The following JARID2 variants were observed in gnomAD, a reference collection of about 807,000 sequenced individuals.
JARID2 encodes the protein protein Jumonji.
In JARID2, 21 loss-of-function variants were observed where a neutral mutation model predicts 125.6. The ratio of observed to expected loss-of-function variants is 0.17; its 90% CI spans 0.12 to 0.24. The LOEUF (loss-of-function observed/expected upper bound fraction) is 0.24, where lower values mean the gene tolerates loss of function less well. Ranked by LOEUF, JARID2 falls within the 10% of genes least tolerant of loss-of-function variation. JARID2 has a pLI of 1.00. For missense variants in JARID2, 1,303 were observed against 1,639.6 expected (o/e 0.79, Z 3.55); for synonymous variants, 736 against 661.6 (o/e 1.11, Z -1.73).
intron 1 of JARID2, among the ~76,000 whole-genome samples, chr6:15,292,193 T>G (rs1334474692): frequency 1.3e-5 from 2 of 152,032 alleles, no homozygotes; most frequent in African/African-American, 2.4e-5. Context: ...ATTTTTTTTT[T>G]TGTATTTTTA....
intron 4 of JARID2, among the ~76,000 whole-genome samples, chr6:15,464,562 T>G (rs1207410593): frequency 6.6e-6 from 1 of 152,104 alleles, no homozygotes. Flanking sequence ...GGAGACAGTG[T>G]TGTCCTTGTG....
At chr6:15,394,656 T>A (rs1765151264) in intron 2 of JARID2, among the ~76,000 whole-genome samples, 1 of 152,220 alleles carries the variant, frequency 6.6e-6, no homozygotes, top group Non-Finnish European at 1.5e-5. Context: ...CCTGACAGTT[T>A]GGTAAATGTT....
intron 5 of JARID2, 80 bp downstream of exon 5, chr6:15,468,798 G>C (rs1768874225): frequency 7.0e-7 from 1 of 1,419,070 alleles, no homozygotes; most frequent in African/African-American, 1.4e-5. Flanking sequence ...GCTGAGAAGA[G>C]ATGAGATGAA....
At chr6:15,361,080 C>T (rs567267423) in intron 1 of JARID2, among the ~76,000 whole-genome samples, 2 of 152,318 alleles carry the variant, frequency 1.3e-5, no homozygotes, top group Admixed American at 1.3e-4. Flanking sequence ...GGTAACAGCA[C>T]ATTGAAAAAT....
At chr6:15,410,178 C>G (rs755229499) in intron 2 of JARID2, 46 bp from the exon 3 acceptor site, 1 of 1,587,182 alleles carries the variant, frequency 6.3e-7, no homozygotes, top group African/African-American at 1.3e-5. Flanking sequence ...AGTGCTGCCT[C>G]CTGATGTGAT....
intron 3 of JARID2, among the ~76,000 whole-genome samples, chr6:15,441,440 G>A (rs574698407): frequency 5.3e-5 from 8 of 152,148 alleles, no homozygotes; most frequent in Non-Finnish European, 8.8e-5. Flanking sequence ...GTAAAGACTC[G>A]CTATTGCCAT....
chr6:15,440,156 A>G (rs191729012), intron 3 of JARID2, among the ~76,000 whole-genome samples: 156 of 152,370 alleles, frequency 1.0e-3, no homozygotes, highest in African/African-American at 3.5e-3. Context: ...TTAGATGAAC[A>G]TGTATGTCCT....
rs114386180 is a variant in JARID2 at position 15,408,823 on chromosome 6, C to T, written c.182-1401C>T. On this transcript the variant is annotated intron_variant, in intron 2 of 17. Transcript: ENST00000341776. ...GCTTCAATCTCTGAAACACTGGCCA[C>T]GCTTTTATCCTTGGATTCTTAGATT... 7.2e-3 allele frequency among the ~76,000 whole-genome samples: 1,100 copies of T among 152,322 alleles called. 14 individuals are homozygous for T. The highest frequency in any genetic ancestry group is 0.025 in the African/African-American group (1,045 of 41,556).
intron 1 of JARID2, among the ~76,000 whole-genome samples, chr6:15,300,524 G>T (rs1206507513): frequency 6.6e-6 from 1 of 152,108 alleles, no homozygotes; most frequent in Non-Finnish European, 1.5e-5. Flanking sequence ...TCATGAGCTT[G>T]CAAGGCCTTC....
At chr6:15,397,814 C>T (rs1561836210) in intron 2 of JARID2, among the ~76,000 whole-genome samples, 1 of 152,148 alleles carries the variant, frequency 6.6e-6, no homozygotes, top group Non-Finnish European at 1.5e-5. Flanking sequence ...CTAAGAGAAA[C>T]TCTAGTGCAT....
intron 3 of JARID2, among the ~76,000 whole-genome samples, chr6:15,423,130 G>A (rs1313509873): frequency 6.6e-6 from 1 of 152,052 alleles, no homozygotes; most frequent in East Asian, 1.9e-4. Context: ...CTCCAAGTAG[G>A]TGGGACTACA....
intron 3 of JARID2, among the ~76,000 whole-genome samples, chr6:15,424,308 T>G (rs1766630393): frequency 6.6e-6 from 1 of 152,108 alleles, no homozygotes; most frequent in Admixed American, 6.5e-5. Flanking sequence ...TTGGCTTATT[T>G]TGATTTGGAA....
chr6:15,366,698 G>T (rs934332014), intron 1 of JARID2, among the ~76,000 whole-genome samples: 1 of 152,106 alleles, frequency 6.6e-6, no homozygotes, highest in African/African-American at 2.4e-5. Flanking sequence ...TTGGTTTTAG[G>T]TACTAGGGGT....
intron 3 of JARID2, among the ~76,000 whole-genome samples, chr6:15,425,253 G>T (rs1022556469): frequency 6.6e-6 from 1 of 152,156 alleles, no homozygotes; most frequent in Non-Finnish European, 1.5e-5. Flanking sequence ...ACCTTCAGAG[G>T]ATTGTGACCT....
chr6:15,454,337 T>C (rs1011984771), intron 4 of JARID2, among the ~76,000 whole-genome samples: 11 of 152,234 alleles, frequency 7.2e-5, no homozygotes, highest in Non-Finnish European at 5.9e-5. Context: ...TGGTGATTCT[T>C]AACACATAAG....
intron 3 of JARID2, among the ~76,000 whole-genome samples, chr6:15,432,505 G>GA (rs1285161842): frequency 6.6e-6 from 1 of 152,274 alleles, no homozygotes; most frequent in African/African-American, 2.4e-5. Context: ...CACAGACTGG[G>GA]AGTGGGCTCG....
intron 2 of JARID2, among the ~76,000 whole-genome samples, chr6:15,394,731 C>A (rs146772436): frequency 6.6e-6 from 1 of 152,094 alleles, no homozygotes; most frequent in African/African-American, 2.4e-5. Context: ...AGCAGGTGCT[C>A]TCTAGGCAGA....
At chr6:15,453,287 AG>A (rs1382960710) in intron 4 of JARID2, among the ~76,000 whole-genome samples, 3 of 152,242 alleles carry the variant, frequency 2.0e-5, no homozygotes, top group Non-Finnish European at 4.4e-5. Context: ...TTAATCTGGA[AG>A]AGTTCCTCAT....
At chr6:15,426,281 T>C (rs1766722497) in intron 3 of JARID2, among the ~76,000 whole-genome samples, 1 of 152,234 alleles carries the variant, frequency 6.6e-6, no homozygotes, top group Non-Finnish European at 1.5e-5. Context: ...AGGCTTTGTG[T>C]GCTTCAGGGC....
Sources: gnomAD v4.1 joint callset for allele counts (sites outside exome capture counted in the v4.1 genomes callset) on GRCh38, gnomAD v4.1.1 for gene constraint, MANE v1.5 for transcripts, NCBI Gene and HGNC (gene_info 2026-07-23, HGNC 2026-07-21) for gene names.